Variants in MALRD1 observed in about 807,000 individuals in gnomAD.
MALRD1 encodes the protein MAM and LDL receptor class A domain containing 1, also known as MAM and LDL-receptor class A domain-containing protein 1.
Under a neutral mutation model 242.1 loss-of-function variants are expected in MALRD1, and 247 were observed. That is an observed-to-expected ratio of 1.02 (90% CI 0.92 to 1.13). The LOEUF (loss-of-function observed/expected upper bound fraction) is 1.13, where lower values mean the gene tolerates loss of function less well. Among genes scored for constraint, MALRD1 ranks in the 50% most tolerant of loss-of-function variants. The pLI is 0.00. For synonymous variants in MALRD1, 995 were observed against 866.6 expected (o/e 1.15, Z -2.60); for missense variants, 2,989 against 2,533.1 (o/e 1.18, Z -3.86).
At chr10:19,651,067 C>T (rs1840859734) in intron 36 of MALRD1, among the ~76,000 whole-genome samples, 1 of 152,228 alleles carries the variant, frequency 6.6e-6, no homozygotes, top group Non-Finnish European at 1.5e-5. Flanking sequence ...AAATGGAATA[C>T]TTAAAGTCAA....
intron 21 of MALRD1, among the ~76,000 whole-genome samples, chr10:19,288,238 A>G (rs958437263): frequency 4.6e-5 from 7 of 152,052 alleles, no homozygotes; most frequent in East Asian, 1.9e-4. Flanking sequence ...CAGGCATGCA[A>G]TGTATAATAA....
intron 10 of MALRD1, among the ~76,000 whole-genome samples, chr10:19,137,644 G>A (rs1333246755): frequency 6.8e-6 from 1 of 147,684 alleles, no homozygotes; most frequent in African/African-American, 2.5e-5. Context: ...AATCACTTCA[G>A]CCATGACTGG....
At chr10:19,546,468 A>T (rs1212746315) in intron 32 of MALRD1, among the ~76,000 whole-genome samples, 1 of 152,160 alleles carries the variant, frequency 6.6e-6, no homozygotes, top group Admixed American at 6.5e-5. Flanking sequence ...ATATTTACTC[A>T]TCTTGTCTGT....
At chr10:19,118,512 G>A (rs1836952500) in intron 5 of MALRD1, among the ~76,000 whole-genome samples, 1 of 152,178 alleles carries the variant, frequency 6.6e-6, no homozygotes, top group African/African-American at 2.4e-5. Flanking sequence ...TGAAGACCTG[G>A]AATCAATAGA....
chr10:19,391,819 C>T (rs1169319615), intron 28 of MALRD1, among the ~76,000 whole-genome samples: 1 of 152,182 alleles, frequency 6.6e-6, no homozygotes, highest in Admixed American at 6.5e-5. Flanking sequence ...GAGCAAGGCA[C>T]TGAAGTTTTA....
intron 18 of MALRD1, among the ~76,000 whole-genome samples, chr10:19,244,569 A>C (rs1304955013): frequency 6.6e-6 from 1 of 152,054 alleles, no homozygotes; most frequent in Non-Finnish European, 1.5e-5. Flanking sequence ...TGTTTCAAAA[A>C]AACAAAAAAA....
chr10:19,633,265 G>A lies in MALRD1; in HGVS notation c.6137+17342G>A, dbSNP rs940275985. On this transcript the variant is annotated intron_variant, in intron 36 of 39. Coordinates refer to ENST00000454679, the MANE Select transcript of MALRD1 (RefSeq NM_001142308.3). ...AAAAGAGAGACAGAGAGAGAGAGAC[G>A]ACTTTTCAAGATTTCTTGGCCATGT... 3.9e-5 allele frequency among the ~76,000 whole-genome samples: 6 copies of A among 151,916 alleles called. No individual in the cohort carries two copies. In the South Asian group the frequency reaches 8.3e-4, roughly 21 times the overall value.
At chr10:19,432,589 A>T (rs1834179856) in intron 28 of MALRD1, among the ~76,000 whole-genome samples, 2 of 152,184 alleles carry the variant, frequency 1.3e-5, no homozygotes, top group Non-Finnish European at 2.9e-5. Context: ...AATGAAGTGG[A>T]GAAAGGGCTT....
At chr10:19,215,900 G>A (rs1007550107) in intron 18 of MALRD1, among the ~76,000 whole-genome samples, 2 of 151,166 alleles carry the variant, frequency 1.3e-5, no homozygotes, top group Non-Finnish European at 2.9e-5. Flanking sequence ...TGAAACCTTT[G>A]CATAGTTTTT....
At chr10:19,315,809 G>A (rs1490181390) in intron 21 of MALRD1, among the ~76,000 whole-genome samples, 1 of 140,672 alleles carries the variant, frequency 7.1e-6, no homozygotes, top group Non-Finnish European at 1.5e-5. Flanking sequence ...AATTTACTAG[G>A]CACACAGTCC....
chr10:19,328,779 A>G (rs1047177358), intron 23 of MALRD1, among the ~76,000 whole-genome samples: 2 of 152,166 alleles, frequency 1.3e-5, no homozygotes, highest in African/African-American at 2.4e-5. Context: ...ATAAGAAGGA[A>G]GTTCAACCTG....
At chr10:19,345,337 A>C (rs1029432366) in intron 24 of MALRD1, among the ~76,000 whole-genome samples, 2 of 152,158 alleles carry the variant, frequency 1.3e-5, no homozygotes, top group African/African-American at 4.8e-5. Flanking sequence ...CTATATGCTA[A>C]TATATTTCTC....
chr10:19,062,825 A>C (rs1834861176), intron 1 of MALRD1, among the ~76,000 whole-genome samples: 1 of 152,040 alleles, frequency 6.6e-6, no homozygotes, highest in Non-Finnish European at 1.5e-5. Context: ...TGGTTGCTTA[A>C]CAATGTGAAT....
chr10:19,520,688 T>A (rs1833838011), intron 31 of MALRD1, among the ~76,000 whole-genome samples: 1 of 146,786 alleles, frequency 6.8e-6, no homozygotes, highest in South Asian at 2.1e-4. Context: ...TAGGTTAGGG[T>A]CCTTCCTGTT....
At chr10:19,335,004 T>A (rs1843539200) in intron 24 of MALRD1, among the ~76,000 whole-genome samples, 1 of 152,084 alleles carries the variant, frequency 6.6e-6, no homozygotes, top group Non-Finnish European at 1.5e-5. Flanking sequence ...TCTAGGAATT[T>A]CTCTCTGTAT....
chr10:19,599,983 G>C (rs527789914), intron 34 of MALRD1, among the ~76,000 whole-genome samples: 1 of 152,210 alleles, frequency 6.6e-6, no homozygotes, highest in African/African-American at 2.4e-5. Flanking sequence ...AGAGAAGGTG[G>C]AGAATAGATC....
chr10:19,646,059 A>G (rs1194727398), intron 36 of MALRD1, among the ~76,000 whole-genome samples: 1 of 152,212 alleles, frequency 6.6e-6, no homozygotes, highest in Non-Finnish European at 1.5e-5. Context: ...TTATTTTTAT[A>G]ATAAACATGG....
intron 36 of MALRD1, among the ~76,000 whole-genome samples, chr10:19,657,773 AT>A: frequency 6.6e-6 from 1 of 152,214 alleles, no homozygotes; most frequent in South Asian, 2.1e-4. Context: ...TTTTTTTGTT[AT>A]TTCAAAAATA....
intron 28 of MALRD1, among the ~76,000 whole-genome samples, chr10:19,443,268 C>G (rs748825774): frequency 4.6e-5 from 7 of 152,146 alleles, no homozygotes; most frequent in Admixed American, 1.3e-4. Context: ...TTCAAAAAAT[C>G]AGCTCCTGGA....
Sources: allele counts gnomAD v4.1 joint callset (sites outside exome capture counted in the v4.1 genomes callset), GRCh38; gene constraint gnomAD v4.1.1; transcripts MANE v1.5; gene names NCBI Gene and HGNC (gene_info 2026-07-23, HGNC 2026-07-21).